TRHDE: variants seen among roughly 807,000 people sequenced by gnomAD.
The protein encoded by TRHDE is thyrotropin-releasing hormone-degrading ectoenzyme.
TRHDE carries 72 observed loss-of-function variants against 125.7 expected under a neutral mutation model. That is an observed-to-expected ratio of 0.57 (90% CI 0.47 to 0.70). TRHDE has a LOEUF of 0.70. Ranked by LOEUF, TRHDE falls within the 30% of genes least tolerant of loss-of-function variation. TRHDE has a pLI of 0.00. For missense variants in TRHDE, 1,110 were observed against 1,327.1 expected, an observed-to-expected ratio of 0.84 and a Z score of 2.54; for synonymous variants, 509 against 509.1, an observed-to-expected ratio of 1.00 and a Z score of 0.00.
intron 2 of TRHDE, among the ~76,000 whole-genome samples, chr12:72,188,491 T>A (rs190019951): frequency 6.6e-6 from 1 of 152,200 alleles, no homozygotes. Flanking sequence ...CCAAGTAGAG[T>A]TGGGATAGTA....
intron 2 of TRHDE, among the ~76,000 whole-genome samples, chr12:72,223,926 CT>C (rs750916154): frequency 4.0e-4 from 59 of 147,102 alleles, no homozygotes; most frequent in African/African-American, 7.4e-4. Context: ...ATTTTTCTTA[CT>C]TTTTTTTTTT....
chr12:72,535,891 A>C (rs1868833524), intron 6 of TRHDE, among the ~76,000 whole-genome samples: 1 of 152,160 alleles, frequency 6.6e-6, no homozygotes, highest in African/African-American at 2.4e-5. Flanking sequence ...CAATAGACTA[A>C]TCCTTTCAGT....
rs181210273 is a variant in TRHDE at position 72,191,360 on chromosome 12, G to C, written n.279+85608G>C. 9.4e-3 allele frequency among the ~76,000 whole-genome samples: 1,437 copies of C among 152,194 alleles called. 33 individuals carry two copies. The highest frequency in any genetic ancestry group is 0.034 in the African/African-American group (1,404 of 41,526). On this transcript the variant is annotated intron_variant and non_coding_transcript_variant, in intron 2 of 4. Coordinates refer to the TRHDE transcript ENST00000548156. Reference sequence around the variant, plus strand: ...AGCATCTCCTAGAATGAGACTTTGGGCATCACTCCATGAATCTCAGACCAC... The same window carrying C: ...AGCATCTCCTAGAATGAGACTTTGGCCATCACTCCATGAATCTCAGACCAC...
At chr12:72,230,847 C>T (rs546656323) in intron 2 of TRHDE, among the ~76,000 whole-genome samples, 150 of 152,194 alleles carry the variant, frequency 9.9e-4, no homozygotes, top group African/African-American at 3.2e-3. Context: ...CTAGAAAATA[C>T]GGTAATGTAG....
At chr12:72,363,366 C>A (rs1202797563) in intron 2 of TRHDE, among the ~76,000 whole-genome samples, 2 of 151,922 alleles carry the variant, frequency 1.3e-5, no homozygotes, top group South Asian at 2.1e-4. Context: ...ATGCCAAAAT[C>A]CTCAATAAAA....
At chr12:72,309,184 A>G (rs1201687693) in intron 2 of TRHDE, among the ~76,000 whole-genome samples, 23 of 152,126 alleles carry the variant, frequency 1.5e-4, no homozygotes, top group Non-Finnish European at 2.9e-5. Flanking sequence ...TGAGTTGGTG[A>G]GCCTTTAAAA....
rs115202547 is a variant in TRHDE, at chr12:72,649,678, C to T, written c.2676-2644C>T. Among the ~76,000 whole-genome samples the T allele has an allele frequency of 3.3e-3, 497 of 152,112 alleles. 3 individuals carry two copies. Among genetic ancestry groups the T allele is most frequent in the African/African-American group, 0.011 (451 of 41,532 alleles). ...TATCTCCAAAATATATAAGACACTCCTTCAACTCAATAGGAAAACAATATT... is the reference window on the plus strand; with the variant it reads ...TATCTCCAAAATATATAAGACACTCTTTCAACTCAATAGGAAAACAATATT... On this transcript the variant is annotated intron_variant, in intron 15 of 18. Transcript: ENST00000261180.
intron 15 of TRHDE, among the ~76,000 whole-genome samples, chr12:72,646,898 T>C (rs1874304576): frequency 6.6e-6 from 1 of 151,984 alleles, no homozygotes; most frequent in African/African-American, 2.4e-5. Flanking sequence ...TATTCAACTT[T>C]TAATAATAAA....
At chr12:72,172,398 T>A (rs958938862) in intron 2 of TRHDE, among the ~76,000 whole-genome samples, 25 of 152,206 alleles carry the variant, frequency 1.6e-4, no homozygotes, top group Non-Finnish European at 2.9e-4. Flanking sequence ...AAGCATTTTT[T>A]AATTTTCTCA....
chr12:72,650,846 A>C (rs967341060), intron 15 of TRHDE, among the ~76,000 whole-genome samples: 6 of 152,136 alleles, frequency 3.9e-5, no homozygotes, highest in Admixed American at 3.9e-4. Context: ...CATCTCCGTA[A>C]TCTTAACCAG....
intron 2 of TRHDE, chr12:72,257,176 C>A (rs1272121607): frequency 2.0e-5 from 3 of 152,038 alleles, no homozygotes; most frequent in South Asian, 2.1e-4. Flanking sequence ...GGTTGAACAT[C>A]CTTAATCCAA....
rs192762577 is a variant in TRHDE at position 72,525,954 on chromosome 12, C to T, written c.1723-16337C>T. Among the ~76,000 whole-genome samples, 12 of 152,130 alleles carry T rather than the reference C, an allele frequency of 7.9e-5. No individual in the cohort carries two copies. The East Asian group carries it at 1.9e-3, about 25-fold the overall frequency. On this transcript the variant is annotated intron_variant, in intron 6 of 18. Transcript: ENST00000261180. ...TTCAGTCATTTTTTTCCCCTGCGGTCGTTATTTAACTCCCAGTGTAGTTGA... is the reference window on the plus strand; with the variant it reads ...TTCAGTCATTTTTTTCCCCTGCGGTTGTTATTTAACTCCCAGTGTAGTTGA...
chr12:72,424,729 C>T (rs1452506541), intron 3 of TRHDE, among the ~76,000 whole-genome samples: 1 of 152,060 alleles, frequency 6.6e-6, no homozygotes, highest in African/African-American at 2.4e-5. Flanking sequence ...TATTCATTCC[C>T]TTGTTGTTTT....
chr12:72,092,713 C>T (rs1007510894), intron 1 of TRHDE, among the ~76,000 whole-genome samples: 3 of 152,120 alleles, frequency 2.0e-5, no homozygotes, highest in South Asian at 2.1e-4. Context: ...TGCTTTCCCA[C>T]GGAGTCTTGG....
At chr12:72,410,364 G>A (rs1454627107) in intron 3 of TRHDE, among the ~76,000 whole-genome samples, 1 of 151,984 alleles carries the variant, frequency 6.6e-6, no homozygotes, top group Non-Finnish European at 1.5e-5. Context: ...TTAAATATCA[G>A]TAGAAAAGAA....
chr12:72,349,550 T>TG (rs199943001), intron 2 of TRHDE, among the ~76,000 whole-genome samples: 2 of 143,094 alleles, frequency 1.4e-5, no homozygotes, highest in African/African-American at 5.3e-5. Flanking sequence ...TTGCCTTTTT[T>TG]TGGGCGGGGG....
intron 3 of TRHDE, among the ~76,000 whole-genome samples, chr12:72,447,354 C>T (rs563548317): frequency 3.3e-5 from 5 of 152,224 alleles, no homozygotes; most frequent in Non-Finnish European, 5.9e-5. Context: ...ATCTCTGGGA[C>T]ACATTTACAG....
At chr12:72,444,120 G>A (rs779611533) in intron 3 of TRHDE, among the ~76,000 whole-genome samples, 1 of 151,696 alleles carries the variant, frequency 6.6e-6, no homozygotes. Context: ...TTCTTTATAG[G>A]CAAAGCTAAA....
At chr12:72,464,798 G>C (rs1354502673) in intron 3 of TRHDE, among the ~76,000 whole-genome samples, 2 of 152,172 alleles carry the variant, frequency 1.3e-5, no homozygotes, top group African/African-American at 4.8e-5. Flanking sequence ...ATTCAGAGCT[G>C]TTTCAGGATA....
Sources: gnomAD v4.1 joint callset for allele counts (sites outside exome capture counted in the v4.1 genomes callset) on GRCh38, gnomAD v4.1.1 for gene constraint, MANE v1.5 for transcripts, NCBI Gene and HGNC (gene_info 2026-07-23, HGNC 2026-07-21) for gene names.